GPX6: variants seen among roughly 807,000 people sequenced by gnomAD.
The protein encoded by GPX6 is glutathione peroxidase 6.
Under a neutral mutation model 20.0 loss-of-function variants are expected in GPX6, and 21 were observed. The observed-to-expected ratio is 1.05, with a 90% CI of 0.74 to 1.51. The LOEUF is 1.51. GPX6 is among the 40% of genes most tolerant of loss of function. The pLI, the probability that GPX6 is intolerant of heterozygous loss-of-function variation, is 0.00. For synonymous variants in GPX6, 75 were observed against 98.0 expected, an observed-to-expected ratio of 0.77 and a Z score of 1.38; for missense variants, 233 against 254.7, an observed-to-expected ratio of 0.91 and a Z score of 0.58.
chr6:28,515,040 C>G (rs1270682305), intron 1 of GPX6, among the ~76,000 whole-genome samples: 2 of 152,220 alleles, frequency 1.3e-5, no homozygotes, highest in Admixed American at 6.5e-5. Flanking sequence ...AAAGCCTACT[C>G]TGAGCTGAGC....
chr6:28,512,447 C>T (rs1416294428), intron 1 of GPX6, among the ~76,000 whole-genome samples: 1 of 150,516 alleles, frequency 6.6e-6, no homozygotes, highest in East Asian at 1.9e-4. Flanking sequence ...TTTGTGTGGA[C>T]ACTCTGTATC....
At chr6:28,509,175 A>G (rs1358277787) in intron 2 of GPX6, among the ~76,000 whole-genome samples, 1 of 152,132 alleles carries the variant, frequency 6.6e-6, no homozygotes, top group African/African-American at 2.4e-5. Flanking sequence ...TATATTTTTG[A>G]TCAGCTGAAC....
At chr6:28,509,664 G>A (rs35783771) in intron 2 of GPX6, among the ~76,000 whole-genome samples, 2,849 of 152,308 alleles carry the variant, frequency 0.019, 37 homozygotes, top group African/African-American at 0.038. Flanking sequence ...GTCCAAAGCT[G>A]TATCTATCTC....
chr6:28,508,317 T>C (rs1295665324), intron 2 of GPX6, among the ~76,000 whole-genome samples: 4 of 152,198 alleles, frequency 2.6e-5, no homozygotes, highest in Non-Finnish European at 5.9e-5. Context: ...GATACAAAAC[T>C]GTCGTTTGGG....
At chr6:28,505,258 G>A (rs1305003617) in intron 4 of GPX6, among the ~76,000 whole-genome samples, 1 of 152,114 alleles carries the variant, frequency 6.6e-6, no homozygotes. Flanking sequence ...CCAGCATTTC[G>A]GGCTGAGTAG....
At chr6:28,510,584 A>G (rs1762853696) in intron 2 of GPX6, among the ~76,000 whole-genome samples, 167 bp downstream of exon 2, 2 of 152,338 alleles carry the variant, frequency 1.3e-5, no homozygotes, top group East Asian at 1.9e-4. Context: ...GGAAATAATT[A>G]TCCTGATATT....
intron 2 of GPX6, among the ~76,000 whole-genome samples, chr6:28,509,646 C>A (rs1762840968): frequency 6.6e-6 from 1 of 152,214 alleles, no homozygotes; most frequent in Admixed American, 6.5e-5. Flanking sequence ...AAATAAAGTT[C>A]TTGGCCCGTC....
intron 1 of GPX6, among the ~76,000 whole-genome samples, chr6:28,512,504 G>A (rs1262687537): frequency 6.6e-6 from 1 of 152,114 alleles, no homozygotes; most frequent in Admixed American, 6.5e-5. Context: ...CTAGCTCAGG[G>A]ATTGTAAAGG....
chr6:28,505,803 C>G lies in GPX6; in HGVS notation c.360-1G>C. On this transcript the variant is annotated splice_acceptor_variant, in intron 3 of 4. Transcript: ENST00000361902. LOFTEE classifies it high-confidence loss of function. ...AAAGCCACTACCTGGACACACATAC[C>G]TGCAGTGAACCAAAGTTGTTCCCAG... is the stretch of plus-strand genomic sequence containing the variant. 1.2e-6 allele frequency: 2 copies of G among 1,612,080 alleles called. No individual in the cohort carries two copies. Among genetic ancestry groups the G allele is most frequent in the Non-Finnish European group, 1.7e-6 (2 of 1,178,164 alleles).
intron 1 of GPX6, among the ~76,000 whole-genome samples, chr6:28,513,496 C>T (rs1019645527): frequency 1.5e-4 from 23 of 152,266 alleles, no homozygotes; most frequent in African/African-American, 5.1e-4. Flanking sequence ...GTGAGAGGGA[C>T]AAGGGAACTT....
chr6:28,509,047 G>A (rs1410904394), intron 2 of GPX6, among the ~76,000 whole-genome samples: 1 of 152,148 alleles, frequency 6.6e-6, no homozygotes, highest in African/African-American at 2.4e-5. Flanking sequence ...AAAATTTGGT[G>A]AGCCAGATCT....
chr6:28,510,877 T>C lies in GPX6; in HGVS notation c.115A>G (p.Thr39Ala). Residue 39 changes from threonine to alanine, a missense_variant, in exon 2 of 5, where the codon ACC becomes GCC. Thr to Ala is a moderately conservative substitution (Grantham distance 58). Transcript: ENST00000361902. ...KVDCNKGVTGTIYEYGALTLN... is the reference protein window; with the variant it reads ...KVDCNKGVTGAIYEYGALTLN... ...GTGAGGGCTCCATACTCATAGATGG[T>C]GCCTGTTACCCCTTTGTTGCAATCC... is the stretch of plus-strand genomic sequence containing the variant. 6.2e-7 allele frequency: 1 copy of C among 1,612,650 alleles called. No homozygotes were observed. Among genetic ancestry groups the C allele is most frequent in the Non-Finnish European group, 8.5e-7 (1 of 1,178,980 alleles).
In GPX6 at chr6:28,504,197, G is replaced by C; in HGVS notation, c.*95C>G. ...GGTCATCAGGAGGCTGGGTAGGCAC[G>C]AGTGTGGAGCAAAGAAGGAGGAAGA... On this transcript the variant is annotated 3_prime_UTR_variant, in exon 5 of 5. Transcript: ENST00000361902. 8.0e-7 allele frequency: 1 copy of C among 1,251,380 alleles called. No homozygotes were observed. The highest frequency in any genetic ancestry group is 1.1e-6 in the Non-Finnish European group (1 of 871,282). The allele number at this position is 1,251,380 out of a possible 1,614,324, so 77.5% of individuals were successfully genotyped here. A position where few individuals can be genotyped will look rare whatever the true frequency, so the allele number is the denominator to read the frequency against.
intron 1 of GPX6, among the ~76,000 whole-genome samples, chr6:28,513,105 G>A (rs1169877747): frequency 1.3e-5 from 2 of 152,190 alleles, no homozygotes; most frequent in African/African-American, 4.8e-5. Context: ...GGGCTCCAGG[G>A]AAAAACCATC....
intron 1 of GPX6, among the ~76,000 whole-genome samples, chr6:28,513,364 T>G (rs1014053221): frequency 6.6e-5 from 10 of 152,170 alleles, no homozygotes; most frequent in African/African-American, 2.4e-4. Context: ...CATTCACTCC[T>G]AGACACTGCC....
At chr6:28,511,633 C>T (rs942390350) in intron 1 of GPX6, among the ~76,000 whole-genome samples, 1 of 152,272 alleles carries the variant, frequency 6.6e-6, no homozygotes, top group African/African-American at 2.4e-5. Context: ...ACTGGCTGGA[C>T]GTGGAGAGCA....
chr6:28,513,191 G>C (rs1050360121), intron 1 of GPX6, among the ~76,000 whole-genome samples: 1 of 152,180 alleles, frequency 6.6e-6, no homozygotes, highest in African/African-American at 2.4e-5. Context: ...ATGCCCACGT[G>C]TGATCCGATT....
chr6:28,514,806 A>G (rs1762994752), intron 1 of GPX6, among the ~76,000 whole-genome samples: 1 of 152,234 alleles, frequency 6.6e-6, no homozygotes, highest in Non-Finnish European at 1.5e-5. Context: ...ACAGAAAGGA[A>G]CTAACAAAAG....
intron 2 of GPX6, among the ~76,000 whole-genome samples, chr6:28,510,253 T>A (rs933718934): frequency 6.6e-6 from 1 of 152,232 alleles, no homozygotes; most frequent in East Asian, 1.9e-4. Flanking sequence ...GCTGCTTCTT[T>A]ACCAGTTACA....
Sources: gnomAD v4.1 joint callset for allele counts (sites outside exome capture counted in the v4.1 genomes callset) on GRCh38, gnomAD v4.1.1 for gene constraint, MANE v1.5 for transcripts, NCBI Gene and HGNC (gene_info 2026-07-23, HGNC 2026-07-21) for gene names.